FKBP15: variants seen among roughly 807,000 people sequenced by gnomAD.
The protein encoded by FKBP15 is FK506-binding protein 15.
A neutral mutation model predicts 158.1 loss-of-function variants in FKBP15; 106 were observed. The ratio of observed to expected loss-of-function variants is 0.67; its 90% CI spans 0.57 to 0.79. The LOEUF (loss-of-function observed/expected upper bound fraction) is 0.79. FKBP15 is among the 30% of genes least tolerant of loss of function. The pLI, the probability that FKBP15 is intolerant of heterozygous loss-of-function variation, is 0.00. For synonymous variants in FKBP15, 547 were observed against 548.6 expected (o/e 1.00, Z 0.04); for missense variants, 1,287 against 1,479.1 (o/e 0.87, Z 2.13).
intron 10 of FKBP15, 99 bp from the exon 11 acceptor site, chr9:113,193,648 C>A: frequency 1.0e-6 from 1 of 964,182 alleles, no homozygotes; most frequent in Non-Finnish European, 1.6e-6. Context: ...AAATGTGTGC[C>A]AATTTAATGA....
chr9:113,168,437 GAC>G (rs1564146234), intron 27 of FKBP15, 21 bp downstream of exon 27: 2 of 1,604,942 alleles, frequency 1.2e-6, no homozygotes, highest in Non-Finnish European at 1.7e-6. Context: ...GTGAGGACTT[GAC>G]AGTGCCTGGG....
In FKBP15 at chr9:113,170,579, C is replaced by T. The variant is rs749078061; in HGVS notation, c.2709G>A (p.Glu903=). 9.3e-6 allele frequency: 15 copies of T among 1,613,896 alleles called. No homozygotes were observed. Among genetic ancestry groups the T allele is most frequent in the Admixed American group, 3.3e-5 (2 of 60,032 alleles). ...QVFQSLRREF[E]LEESYNGRTI... ...TCCTGCCATTGTAAGATTCCTCCAG[C>T]TCAAACTCTCTCCGTAAGGACTGGA... Residue 903 remains glutamate (E), a synonymous_variant, in exon 25 of 28, where the codon GAG becomes GAA. Transcript: ENST00000238256.
At chr9:113,212,270 C>T (rs1257244436) in intron 1 of FKBP15, among the ~76,000 whole-genome samples, 1 of 152,068 alleles carries the variant, frequency 6.6e-6, no homozygotes, top group Non-Finnish European at 1.5e-5. Context: ...CTCACTGCAA[C>T]CTCCGCTTCC....
chr9:113,216,653 C>T (rs1279416368), intron 1 of FKBP15, among the ~76,000 whole-genome samples: 1 of 152,182 alleles, frequency 6.6e-6, no homozygotes, highest in African/African-American at 2.4e-5. Context: ...CAAAGCTTAG[C>T]ACCTAGTTAA....
At position 113,162,650 on chromosome 9, in the gene FKBP15, G is replaced by A; in HGVS notation, c.*3428C>T. 1 of 1,108,430 alleles carries A rather than the reference G, an allele frequency of 9.0e-7. No individual in the cohort carries two copies. Among genetic ancestry groups the A allele is most frequent in the Non-Finnish European group, 1.3e-6 (1 of 766,704 alleles). The allele number at this position is 1,108,430 out of a possible 1,614,324, so 68.7% of individuals were successfully genotyped here. A position where few individuals can be genotyped will look rare whatever the true frequency, so the allele number is the denominator to read the frequency against. On this transcript the variant is annotated 3_prime_UTR_variant, in exon 28 of 28. Coordinates refer to ENST00000238256, the MANE Select transcript of FKBP15 (RefSeq NM_015258.2). ...AGCATACAAGTTATAAATCAATCGGGTCACGTAACTCAACAGCTTTCTACT... is the reference window on the plus strand; with the variant it reads ...AGCATACAAGTTATAAATCAATCGGATCACGTAACTCAACAGCTTTCTACT...
chr9:113,210,848 T>C (rs1172749462), intron 2 of FKBP15, among the ~76,000 whole-genome samples: 2 of 152,232 alleles, frequency 1.3e-5, no homozygotes, highest in African/African-American at 4.8e-5. Context: ...CGCTGGATGC[T>C]TTCTGCCGTC....
intron 1 of FKBP15, among the ~76,000 whole-genome samples, chr9:113,216,113 A>C (rs1405073253): frequency 2.2e-5 from 3 of 138,946 alleles, no homozygotes; most frequent in Non-Finnish European, 3.1e-5. Flanking sequence ...TCTGCAAGGC[A>C]CAATAAAGCA....
At chr9:113,200,841 C>G (rs1266744074) in intron 6 of FKBP15, among the ~76,000 whole-genome samples, 1 of 151,892 alleles carries the variant, frequency 6.6e-6, no homozygotes, top group South Asian at 2.1e-4. Context: ...GTCAAGAGAT[C>G]GAGACCATCC....
intron 19 of FKBP15, among the ~76,000 whole-genome samples, chr9:113,181,508 G>A (rs1298594167): frequency 1.3e-5 from 2 of 152,112 alleles, no homozygotes. Flanking sequence ...GGAATCTATA[G>A]GATCTTTTTA....
At chr9:113,203,097 T>A in intron 4 of FKBP15, 62 bp from the exon 5 acceptor site, 1 of 1,124,924 alleles carries the variant, frequency 8.9e-7, no homozygotes, top group Non-Finnish European at 1.3e-6. Context: ...TAAAAGGCAA[T>A]ATAAAATCAG....
chr9:113,169,876 C>CTTT lies in FKBP15; in HGVS notation c.2832_2833insAAA (p.Glu944_Glu945insLys), dbSNP rs1350088735. The CTTT allele has an allele frequency of 1.9e-6, 3 of 1,550,864 alleles. No individual in the cohort carries two copies. The highest frequency in any genetic ancestry group is 2.6e-6 in the Non-Finnish European group (3 of 1,147,022). On this transcript the variant is annotated inframe_insertion, in exon 26 of 28. Transcript: ENST00000238256. ...CGTGGCCGCTCTTCTGCTTTTTCTT[C>CTTT]TTCTTCTTCACTGCTGCTCTCTTCC...
rs949667407 is a variant in FKBP15, at chr9:113,169,901, C to T, written c.2808G>A (p.Lys936=). The T allele has an allele frequency of 1.3e-6, 2 of 1,548,940 alleles. No homozygotes were observed. The highest frequency in any genetic ancestry group is 2.7e-5 in the African/African-American group (2 of 73,036). Residue 936 remains lysine (K), a synonymous_variant, in exon 26 of 28, where the codon AAG becomes AAA. Transcript: ENST00000238256. ...LQLLNQQEQE[K]EESSSEEEEE... ...CTTCTTCTTCACTGCTGCTCTCTTC[C>T]TTCTCTTGCTCCTGTTGGTTTAACA...
chr9:113,187,548 T>C (rs896540203), intron 14 of FKBP15: 35 of 465,200 alleles, frequency 7.5e-5, no homozygotes, highest in African/African-American at 5.5e-4. Flanking sequence ...CAAACATTGA[T>C]TGCATCTTTA....
rs879800719 is a variant in FKBP15 at position 113,161,335 on chromosome 9, A to G, written c.*4743T>C. ...CTTCTCTTCCTGATCTCAAAGCCACACTCCAGCTAAGAAAAGTCTGGTGAA... is the reference window on the plus strand; with the variant it reads ...CTTCTCTTCCTGATCTCAAAGCCACGCTCCAGCTAAGAAAAGTCTGGTGAA... On this transcript the variant is annotated 3_prime_UTR_variant, in exon 28 of 28. Transcript: ENST00000238256. 3.1e-6 allele frequency: 2 copies of G among 637,534 alleles called. No individual in the cohort carries two copies. Among genetic ancestry groups the G allele is most frequent in the Non-Finnish European group, 5.4e-6 (2 of 372,736 alleles). 39.5% of individuals were successfully genotyped at this position (637,534 alleles called of 1,614,324 possible).
chr9:113,182,734 G>T, intron 19 of FKBP15, 32 bp downstream of exon 19: 1 of 1,570,472 alleles, frequency 6.4e-7, no homozygotes, highest in South Asian at 1.1e-5. Flanking sequence ...TACCCATCCT[G>T]ACCTGGGCTT....
At chr9:113,200,082 A>G in intron 6 of FKBP15, 119 bp from the exon 7 acceptor site, 1 of 1,195,316 alleles carries the variant, frequency 8.4e-7, no homozygotes, top group Non-Finnish European at 1.1e-6. Flanking sequence ...TTACATGTTT[A>G]GAAGTAAACC....
chr9:113,209,031 C>T (rs1422854274), intron 2 of FKBP15, among the ~76,000 whole-genome samples: 5 of 148,288 alleles, frequency 3.4e-5, no homozygotes, highest in Non-Finnish European at 7.5e-5. Flanking sequence ...AAAAAAAATT[C>T]CCTTGAACAG....
chr9:113,193,739 G>A (rs1587964398), intron 10 of FKBP15, among the ~76,000 whole-genome samples, 190 bp from the exon 11 acceptor site: 1 of 152,194 alleles, frequency 6.6e-6, no homozygotes, highest in Non-Finnish European at 1.5e-5. Context: ...CCATCCAAAT[G>A]CTTATATTTA....
chr9:113,167,057 G>A (rs931735433), intron 27 of FKBP15, among the ~76,000 whole-genome samples: 2 of 152,188 alleles, frequency 1.3e-5, no homozygotes, highest in South Asian at 2.1e-4. Flanking sequence ...GCCAGACCTC[G>A]TACTTCTCTC....
Sources: allele counts gnomAD v4.1 joint callset (sites outside exome capture counted in the v4.1 genomes callset), GRCh38; gene constraint gnomAD v4.1.1; transcripts MANE v1.5; gene names NCBI Gene and HGNC (gene_info 2026-07-23, HGNC 2026-07-21).